Variants in MRPL34 observed in about 807,000 individuals in gnomAD.
MRPL34 encodes the protein large ribosomal subunit protein bL34m.
Under a neutral mutation model 6.7 loss-of-function variants are expected in MRPL34, and 8 were observed. The ratio of observed to expected loss-of-function variants is 1.20; its 90% CI spans 0.70 to 2.16. The LOEUF is 2.16. MRPL34 is among the 30% of genes most tolerant of loss of function. The pLI is 0.00. For missense variants in MRPL34, 146 were observed against 125.5 expected, an observed-to-expected ratio of 1.16 and a Z score of -0.78; for synonymous variants, 59 against 55.1, an observed-to-expected ratio of 1.07 and a Z score of -0.31.
chr19:17,301,216 C>T (rs957002325), upstream of MRPL34: 11 of 1,597,014 alleles, frequency 6.9e-6, no homozygotes, highest in African/African-American at 1.5e-4. Context: ...GCCTGCGCTG[C>T]CGGGGGCCAA....
upstream of MRPL34, among the ~76,000 whole-genome samples, chr19:17,298,860 A>AC (rs1233037026): frequency 2.1e-5 from 3 of 144,992 alleles, no homozygotes; most frequent in East Asian, 6.1e-4. Flanking sequence ...CCTGCCTCAC[A>AC]CCCCCGAGTA....
At chr19:17,295,593 A>G (rs1229980867) in intron 1 of MRPL34, among the ~76,000 whole-genome samples, 1 of 151,776 alleles carries the variant, frequency 6.6e-6, no homozygotes, top group Non-Finnish European at 1.5e-5. Flanking sequence ...TTTTTAGTAG[A>G]CACAGGGTTT....
At chr19:17,299,646 G>A (rs1257176800), upstream of MRPL34, among the ~76,000 whole-genome samples, 7 of 151,444 alleles carry the variant, frequency 4.6e-5, no homozygotes, top group Non-Finnish European at 8.8e-5. Context: ...GAGGTGCAAG[G>A]ATCACTTGAG....
upstream of MRPL34, chr19:17,302,835 G>C (rs2074126909): frequency 6.6e-6 from 1 of 152,222 alleles, no homozygotes; most frequent in African/African-American, 2.4e-5. Flanking sequence ...ACCTAAGGGG[G>C]GGATACCCGA....
Position 17,306,409 on chromosome 19 carries a change from T to G in MRPL34, c.*30T>G, listed in dbSNP as rs763546639. On this transcript the variant is annotated 3_prime_UTR_variant, in exon 2 of 2. Transcript: ENST00000252602. ...CGCGACGCAGTCGGCGGGACCCTCA[T>G]GGAAGCATCGCCCTCGCCTCGGACC... The G allele has an allele frequency of 2.8e-5, 43 of 1,540,366 alleles. No homozygotes were observed. Among genetic ancestry groups the G allele is most frequent in the Non-Finnish European group, 3.6e-5 (41 of 1,143,100 alleles).
upstream of MRPL34, among the ~76,000 whole-genome samples, chr19:17,299,238 C>CT (rs1555720792): frequency 1.4e-5 from 2 of 140,016 alleles, no homozygotes; most frequent in Non-Finnish European, 3.2e-5. Context: ...AATGAGACCC[C>CT]CCCCCCATTC....
chr19:17,294,449 C>T (rs190922068), intron 1 of MRPL34: 4 of 1,614,184 alleles, frequency 2.5e-6, no homozygotes, highest in East Asian at 2.2e-5. Context: ...ACGTTGAAAG[C>T]GTTGCCCTCC....
At chr19:17,301,263 C>T (rs756405465), upstream of MRPL34, 2 of 1,602,528 alleles carry the variant, frequency 1.2e-6, no homozygotes, top group Non-Finnish European at 1.7e-6. Context: ...CCAGCTCCAC[C>T]TCCAGGGCGG....
upstream of MRPL34, among the ~76,000 whole-genome samples, chr19:17,305,038 T>TGGA (rs10651952): frequency 0.35 from 53,462 of 151,442 alleles, 9,793 homozygotes; most frequent in South Asian, 0.42. Flanking sequence ...ACTCAGCCCT[T>TGGA]GGAGAGGAAA....
At chr19:17,303,457 GC>G (rs2145663028), upstream of MRPL34, 1 of 152,462 alleles carries the variant, frequency 6.6e-6, no homozygotes, top group East Asian at 1.9e-4. Context: ...GGAGCCACGT[GC>G]CGACGGGCGG....
At chr19:17,303,829 A>G (rs1003313070), upstream of MRPL34, among the ~76,000 whole-genome samples, 3 of 152,038 alleles carry the variant, frequency 2.0e-5, no homozygotes, top group African/African-American at 4.8e-5. Flanking sequence ...TCTTTTTCCA[A>G]TCTCCGGTGG....
At chr19:17,300,869 C>T, upstream of MRPL34, 1 of 1,595,218 alleles carries the variant, frequency 6.3e-7, no homozygotes, top group Non-Finnish European at 8.6e-7. Flanking sequence ...TAGGAATGGC[C>T]AATGAGCACA....
At chr19:17,297,826 G>A (rs922356980) in intron 1 of MRPL34, 3 of 150,266 alleles carry the variant, frequency 2.0e-5, no homozygotes, top group African/African-American at 7.4e-5. Flanking sequence ...GAACTCCTCA[G>A]CTATAGCAGT....
At chr19:17,292,940 T>C in intron 1 of MRPL34, 4 of 1,234,830 alleles carry the variant, frequency 3.2e-6, no homozygotes, top group Non-Finnish European at 1.1e-6. Context: ...CAAAAGTCCC[T>C]CCTCCCATCT....
At position 17,306,334 on chromosome 19, in the gene MRPL34, C is replaced by A. The variant is rs779152926; in HGVS notation, c.234C>A (p.Val78=). ...TGAGCACGCCGGCCGGCGTGCAGGT[C>A]ATCCTTCGCCGAATGCTCAAGGGCC... The part of the protein sequence containing the change: ...RRLSTPAGVQ[V]ILRRMLKGRK... The change falls in exon 2 of 2, where the codon GTC becomes GTA. Residue 78 remains valine (V), a synonymous_variant. Coordinates refer to ENST00000252602, the MANE Select transcript of MRPL34 (RefSeq NM_023937.4). The A allele has an allele frequency of 1.1e-5, 17 of 1,609,448 alleles. No individual in the cohort carries two copies. Among genetic ancestry groups the A allele is most frequent in the Non-Finnish European group, 1.4e-5 (17 of 1,179,096 alleles).
upstream of MRPL34, chr19:17,305,794 TAGG>T: frequency 1.6e-6 from 2 of 1,284,304 alleles, no homozygotes; most frequent in Admixed American, 3.4e-5. Flanking sequence ...TTTTGCACGT[TAGG>T]AGAAACTACA....
chr19:17,301,684 A>C, upstream of MRPL34: 1 of 1,459,572 alleles, frequency 6.9e-7, no homozygotes, highest in Non-Finnish European at 9.0e-7. Flanking sequence ...TGCACCGTGC[A>C]GCAGGCACTC....
Position 17,306,552 on chromosome 19 carries a change from T to A in MRPL34, c.*173T>A. On this transcript the variant is annotated 3_prime_UTR_variant, in exon 2 of 2. Coordinates refer to ENST00000252602, the MANE Select transcript of MRPL34 (RefSeq NM_023937.4). ...CTTGCCAAGTCCCTTTTTAGGCTTT[T>A]TAATTAGGAAGCATTTCGAACCTGC... 1.7e-6 allele frequency: 1 copy of A among 605,704 alleles called. No homozygotes were observed. Among genetic ancestry groups the A allele is most frequent in the East Asian group, 3.0e-5 (1 of 33,410 alleles). The allele number at this position is 605,704 out of a possible 1,614,324, so 37.5% of individuals were successfully genotyped here.
chr19:17,306,274 C>T lies in MRPL34; in HGVS notation c.174C>T (p.Ile58=). 1 of 1,607,878 alleles carries T rather than the reference C, an allele frequency of 6.2e-7. No homozygotes were observed. Among genetic ancestry groups the T allele is most frequent in the African/African-American group, 1.3e-5 (1 of 74,988 alleles). ...GGAATGAGTATCAGCCGAGCAACAT[C>T]AAACGCAAGAACAAGCACGGCTGGG... ...ARGNEYQPSN[I]KRKNKHGWVR... is the part of the protein sequence containing the mutation. Residue 58 remains isoleucine, a synonymous_variant, in exon 2 of 2, where the codon ATC becomes ATT. Transcript: ENST00000252602.
Sources: gnomAD v4.1 joint callset for allele counts (sites outside exome capture counted in the v4.1 genomes callset) on GRCh38, gnomAD v4.1.1 for gene constraint, MANE v1.5 for transcripts, NCBI Gene and HGNC (gene_info 2026-07-23, HGNC 2026-07-21) for gene names.